The following CACNA2D1 variants were observed in gnomAD, a reference collection of about 807,000 sequenced individuals.
The protein encoded by CACNA2D1 is voltage-dependent calcium channel subunit alpha-2/delta-1.
A neutral mutation model predicts 171.5 loss-of-function variants in CACNA2D1; 53 were observed. The observed-to-expected ratio is 0.31, with a 90% CI of 0.25 to 0.39. The LOEUF (loss-of-function observed/expected upper bound fraction) is 0.39. CACNA2D1 is among the 10% of genes least tolerant of loss of function. The pLI is 1.00. For missense variants in CACNA2D1, 903 were observed against 1,299.8 expected, an observed-to-expected ratio of 0.69 and a Z score of 4.69; for synonymous variants, 442 against 443.1, an observed-to-expected ratio of 1.00 and a Z score of 0.03.
At position 81,967,587 on chromosome 7, in the gene CACNA2D1, A is replaced by G; in HGVS notation, c.2463+9T>C. 2 of 1,436,304 alleles carry G rather than the reference A, an allele frequency of 1.4e-6. No homozygotes were observed. The highest frequency in any genetic ancestry group is 9.7e-7 in the Non-Finnish European group (1 of 1,027,826). 89.0% of individuals were successfully genotyped at this position (1,436,304 alleles called of 1,614,324 possible). ...AACATAGCATAAGAATTTTTTAAAA[A>G]TATCTTACCGGATCTCTGATTGAGG... On this transcript the variant is annotated intron_variant, in intron 30 of 38. Coordinates refer to ENST00000356860, the MANE Select transcript of CACNA2D1 (RefSeq NM_000722.4).
intron 3 of CACNA2D1, among the ~76,000 whole-genome samples, chr7:82,238,123 G>GTTGTCTC (rs1803830577): frequency 6.6e-6 from 1 of 151,926 alleles, no homozygotes; most frequent in Non-Finnish European, 1.5e-5. Context: ...TTGTCACACA[G>GTTGTCTC]AAAATCACAC....
In CACNA2D1 at chr7:82,136,638, G is replaced by A. The variant is rs965520280; in HGVS notation, c.393C>T (p.Leu131=). 10 of 1,587,332 alleles carry A rather than the reference G, an allele frequency of 6.3e-6. No individual in the cohort carries two copies. In the African/African-American group the frequency reaches 1.2e-4, roughly 19 times the overall value. Residue 131 remains leucine, a synonymous_variant, in exon 5 of 39, where the codon CTC becomes CTT. Coordinates refer to ENST00000356860, the MANE Select transcript of CACNA2D1 (RefSeq NM_000722.4). ...ATGGAAAACATTTAATACTCACATC[G>A]AGATCATCCTTTGCATTGTAGTAGA... The part of the protein sequence containing the change: ...EVVYYNAKDD[L]DPEKNDSEPG...
chr7:82,110,565 T>C (rs4728496), intron 6 of CACNA2D1, among the ~76,000 whole-genome samples: 28,223 of 152,142 alleles, frequency 0.19, 2,856 homozygotes, highest in East Asian at 0.35. Context: ...CAATCGTCCA[T>C]AGGGCTGTGG....
At chr7:82,064,852 C>T (rs552856688) in intron 8 of CACNA2D1, among the ~76,000 whole-genome samples, 1 of 152,274 alleles carries the variant, frequency 6.6e-6, no homozygotes, top group East Asian at 1.9e-4. Flanking sequence ...TTACCAAGAA[C>T]TTCAATGGCT....
chr7:82,230,342 T>C (rs937053984), intron 3 of CACNA2D1, among the ~76,000 whole-genome samples: 7 of 152,368 alleles, frequency 4.6e-5, no homozygotes, highest in Non-Finnish European at 7.3e-5. Context: ...CTTACTTTTG[T>C]ATGTTTTCCT....
At position 82,328,975 on chromosome 7, in the gene CACNA2D1, T is replaced by C. The variant is rs549296193; in HGVS notation, c.294+6160A>G. On this transcript the variant is annotated intron_variant, in intron 3 of 38. Transcript: ENST00000356860. ...CAGAATTCCTTCCTGGATCCCCTTC[T>C]CACTTCTTTGTATCTAATTTTTCTT... Among the ~76,000 whole-genome samples, 19 of 152,294 alleles carry C rather than the reference T, an allele frequency of 1.2e-4. No individual in the cohort carries two copies. The East Asian group carries it at 3.7e-3, about 29-fold the overall frequency.
intron 3 of CACNA2D1, among the ~76,000 whole-genome samples, chr7:82,263,368 C>T (rs1372723496): frequency 6.6e-6 from 1 of 152,046 alleles, no homozygotes; most frequent in Non-Finnish European, 1.5e-5. Flanking sequence ...GCCTCAGCAT[C>T]CCAAAGAGCT....
At chr7:82,431,875 T>C (rs1241246929) in intron 1 of CACNA2D1, among the ~76,000 whole-genome samples, 1 of 151,238 alleles carries the variant, frequency 6.6e-6, no homozygotes, top group Non-Finnish European at 1.5e-5. Context: ...CTATCTCTAC[T>C]AAAAATACAA....
chr7:82,036,676 C>T (rs185279903), intron 11 of CACNA2D1, among the ~76,000 whole-genome samples: 2 of 152,082 alleles, frequency 1.3e-5, no homozygotes, highest in Non-Finnish European at 2.9e-5. Context: ...AGCACCAGCA[C>T]TATGACAGGA....
At chr7:81,995,081 C>A in intron 19 of CACNA2D1, 142 bp from the exon 20 acceptor site, 1 of 557,848 alleles carries the variant, frequency 1.8e-6, no homozygotes, top group Non-Finnish European at 3.2e-6. Flanking sequence ...TTACCAGTAT[C>A]TGCAGTTGTT....
rs2299160 is a variant in CACNA2D1 at position 81,988,624 on chromosome 7, A to C, written c.1796+2561T>G. ...TAACTGTATATTAATATGTAGTTAAAGAGACTTCCGTACTTAAATATTGCA... is the reference window on the plus strand; with the variant it reads ...TAACTGTATATTAATATGTAGTTAACGAGACTTCCGTACTTAAATATTGCA... On this transcript the variant is annotated intron_variant, in intron 21 of 38. Coordinates refer to ENST00000356860, the MANE Select transcript of CACNA2D1 (RefSeq NM_000722.4). 2.0e-5 allele frequency among the ~76,000 whole-genome samples: 3 copies of C among 152,202 alleles called. No homozygotes were observed. In the East Asian group the frequency reaches 5.8e-4, roughly 29 times the overall value.
At chr7:81,974,166 T>C (rs1360946041) in intron 25 of CACNA2D1, among the ~76,000 whole-genome samples, 1 of 152,206 alleles carries the variant, frequency 6.6e-6, no homozygotes, top group East Asian at 1.9e-4. Flanking sequence ...TCATTCAAAA[T>C]TAAATTTCCT....
chr7:82,367,148 A>G (rs954624489), intron 1 of CACNA2D1, among the ~76,000 whole-genome samples: 8 of 151,634 alleles, frequency 5.3e-5, no homozygotes, highest in Non-Finnish European at 8.8e-5. Flanking sequence ...GGGCTCAAGC[A>G]ATCTTTCCAC....
At chr7:82,045,550 T>C (rs1001435252) in intron 10 of CACNA2D1, among the ~76,000 whole-genome samples, 4 of 152,322 alleles carry the variant, frequency 2.6e-5, no homozygotes, top group African/African-American at 9.6e-5. Context: ...TTAGGCAATT[T>C]GTTTTTACAA....
intron 1 of CACNA2D1, among the ~76,000 whole-genome samples, chr7:82,428,101 A>C (rs1228696924): frequency 7.6e-6 from 1 of 131,350 alleles, no homozygotes; most frequent in East Asian, 1.9e-4. Context: ...AAAAATAAAA[A>C]ATAAATAAAA....
intron 3 of CACNA2D1, among the ~76,000 whole-genome samples, chr7:82,274,939 A>G (rs1050679131): frequency 6.6e-6 from 1 of 152,216 alleles, no homozygotes; most frequent in Admixed American, 6.5e-5. Flanking sequence ...CATAACTTAA[A>G]GGAATAAAAT....
intron 3 of CACNA2D1, among the ~76,000 whole-genome samples, chr7:82,311,006 C>T (rs1406087637): frequency 6.6e-6 from 1 of 152,014 alleles, no homozygotes; most frequent in African/African-American, 2.4e-5. Context: ...ATTGTATAGA[C>T]CACACTGTCA....
At chr7:81,967,519 A>G in intron 30 of CACNA2D1, 77 bp downstream of exon 30, 1 of 791,242 alleles carries the variant, frequency 1.3e-6, no homozygotes, top group Non-Finnish European at 2.2e-6. Flanking sequence ...TTGCCACTGT[A>G]TAAGGACCTT....
At chr7:81,965,480 T>C in intron 32 of CACNA2D1, 114 bp downstream of exon 32, 1 of 741,974 alleles carries the variant, frequency 1.3e-6, no homozygotes. Flanking sequence ...CAAATTATTG[T>C]ATGACAGAAA....
Sources: gnomAD v4.1 joint callset for allele counts (sites outside exome capture counted in the v4.1 genomes callset) on GRCh38, gnomAD v4.1.1 for gene constraint, MANE v1.5 for transcripts, NCBI Gene and HGNC (gene_info 2026-07-23, HGNC 2026-07-21) for gene names.